ZPBP: variants seen among roughly 807,000 people sequenced by gnomAD.
ZPBP encodes the protein zona pellucida binding protein.
In ZPBP, 26 loss-of-function variants were observed where a neutral mutation model predicts 44.8. That is an observed-to-expected ratio of 0.58 (90% CI 0.43 to 0.81). The LOEUF is 0.81. Among genes scored for constraint, ZPBP ranks in the 30% least tolerant of loss-of-function variants. The pLI, the probability that ZPBP is intolerant of heterozygous loss-of-function variation, is 0.00. For missense variants in ZPBP, 409 were observed against 434.0 expected, an observed-to-expected ratio of 0.94 and a Z score of 0.51; for synonymous variants, 174 against 153.2, an observed-to-expected ratio of 1.14 and a Z score of -1.00.
chr7:49,949,982 A>T lies in ZPBP; in HGVS notation c.962-12360T>A, dbSNP rs1795267322. On this transcript the variant is annotated intron_variant, in intron 7 of 7. Transcript: ENST00000046087. ...AAAATAGTCTGATATATTTTAATTA[A>T]CTGCATATCTTGTGACCCAATATTA... 2.6e-5 allele frequency among the ~76,000 whole-genome samples: 4 copies of T among 152,058 alleles called. 1 individual carries two copies. In the South Asian group the frequency reaches 8.3e-4, roughly 31 times the overall value.
chr7:49,875,935 T>C (rs1791396183), intron 2 of ZPBP, among the ~76,000 whole-genome samples: 1 of 152,174 alleles, frequency 6.6e-6, no homozygotes, highest in African/African-American at 2.4e-5. Context: ...GTTTAATACA[T>C]AGTGGCTGGA....
intron 7 of ZPBP, among the ~76,000 whole-genome samples, chr7:49,941,653 T>G (rs969619950): frequency 1.3e-5 from 2 of 151,850 alleles, no homozygotes; most frequent in African/African-American, 4.8e-5. Context: ...CACAAATAAA[T>G]AGAAAGACAT....
chr7:49,874,590 A>G (rs544891075), intron 2 of ZPBP, among the ~76,000 whole-genome samples: 1 of 152,280 alleles, frequency 6.6e-6, no homozygotes, highest in East Asian at 1.9e-4. Flanking sequence ...ATATACATGG[A>G]GAGAAAGAGA....
intron 1 of ZPBP, among the ~76,000 whole-genome samples, chr7:49,924,864 G>A (rs756083140): frequency 5.6e-4 from 86 of 152,278 alleles, no homozygotes; most frequent in Admixed American, 4.6e-4. Flanking sequence ...TCTGTTCCAC[G>A]GCTTCCTTAT....
chr7:49,907,369 C>T (rs1793160679), intron 1 of ZPBP, among the ~76,000 whole-genome samples: 1 of 152,020 alleles, frequency 6.6e-6, no homozygotes. Flanking sequence ...GACTTTTGAG[C>T]AAAATATGCT....
At chr7:49,920,673 T>C (rs1793978206) in intron 1 of ZPBP, 2 of 152,154 alleles carry the variant, frequency 1.3e-5, no homozygotes, top group African/African-American at 2.4e-5. Flanking sequence ...GCTATAAATA[T>C]AGCATGAATA....
intron 1 of ZPBP, among the ~76,000 whole-genome samples, chr7:49,929,205 G>T (rs180703186): frequency 6.6e-6 from 1 of 152,342 alleles, no homozygotes; most frequent in Admixed American, 6.5e-5. Flanking sequence ...CTTGATTAAA[G>T]AAGTCAGATA....
intron 7 of ZPBP, among the ~76,000 whole-genome samples, chr7:49,976,205 G>A (rs890444343): frequency 5.3e-5 from 8 of 152,118 alleles, no homozygotes; most frequent in African/African-American, 1.9e-4. Flanking sequence ...TTTTTGCGTA[G>A]TCAATATTTA....
At chr7:49,956,384 T>C (rs1389119478) in intron 7 of ZPBP, among the ~76,000 whole-genome samples, 2 of 152,072 alleles carry the variant, frequency 1.3e-5, no homozygotes, top group Admixed American at 6.6e-5. Context: ...AATGCCCTCA[T>C]TGAAAATTTC....
intron 6 of ZPBP, among the ~76,000 whole-genome samples, chr7:49,999,218 A>G (rs1209378954): frequency 1.3e-5 from 2 of 150,534 alleles, no homozygotes; most frequent in Non-Finnish European, 2.9e-5. Flanking sequence ...CTCCATATAT[A>G]TATATATATG....
rs921266403 is a variant in ZPBP, at chr7:50,031,128, C to G, written c.670G>C (p.Ala224Pro). The change falls in exon 5 of 8, where the codon GCT becomes CCT. Residue 224 changes from alanine (A) to proline (P), a missense_variant. Ala to Pro is a conservative substitution (Grantham distance 27, BLOSUM62 -1). Around this residue, in one of 2 missense-constraint regions of ZPBP, gnomAD observed 367 missense variants for 363.1 expected, o/e 1.01. Coordinates refer to ENST00000046087, the MANE Select transcript of ZPBP (RefSeq NM_007009.3). ...SECHRVKMQR[A>P]GLQNELFFAF... ...AAGAACAATTCATTTTGCAAACCAG[C>G]TCTTTGCATTTTAACGCGATGGCAT... The G allele has an allele frequency of 1.2e-6, 2 of 1,613,760 alleles. No individual in the cohort carries two copies. Among genetic ancestry groups the G allele is most frequent in the South Asian group, 1.1e-5 (1 of 91,066 alleles).
intron 2 of ZPBP, among the ~76,000 whole-genome samples, chr7:49,875,637 C>T (rs4917096): frequency 0.26 from 38,980 of 151,662 alleles, 6,038 homozygotes; most frequent in Non-Finnish European, 0.35. Flanking sequence ...AGCTCTGTGG[C>T]CTTGGCTGGT....
chr7:49,949,308 G>T (rs1360971851), intron 7 of ZPBP, among the ~76,000 whole-genome samples: 1 of 152,096 alleles, frequency 6.6e-6, no homozygotes, highest in Admixed American at 6.6e-5. Context: ...ATAACTGAAA[G>T]CAGGATCTTG....
chr7:49,968,742 CATA>C (rs1489987112), intron 7 of ZPBP, among the ~76,000 whole-genome samples: 2 of 151,854 alleles, frequency 1.3e-5, no homozygotes, highest in East Asian at 3.9e-4. Context: ...CAATTACACT[CATA>C]ATATCACAGC....
rs147953250 is a variant in ZPBP at position 49,895,009 on chromosome 7, G to A, written n.509+6109C>T. Among the ~76,000 whole-genome samples the A allele has an allele frequency of 2.5e-3, 375 of 152,298 alleles. 1 individual carries two copies. The highest frequency in any genetic ancestry group is 8.7e-3 in the African/African-American group (360 of 41,568). On this transcript the variant is annotated intron_variant and non_coding_transcript_variant, in intron 2 of 2. Transcript: ENST00000465922. ...TTTGTTAAATGTGCTAGGCCATTCT[G>A]ATACTATATGTCTAAGTCCATTCAT...
chr7:50,053,958 G>A (rs1175909248), intron 4 of ZPBP, among the ~76,000 whole-genome samples: 2 of 152,046 alleles, frequency 1.3e-5, no homozygotes, highest in Non-Finnish European at 1.5e-5. Context: ...GGCATGATCC[G>A]GCTCACTGCA....
At chr7:49,999,634 A>C (rs1342214906) in intron 6 of ZPBP, among the ~76,000 whole-genome samples, 1 of 152,186 alleles carries the variant, frequency 6.6e-6, no homozygotes, top group East Asian at 1.9e-4. Flanking sequence ...CTAAGGCCTA[A>C]GAATCAGGAG....
intron 4 of ZPBP, among the ~76,000 whole-genome samples, chr7:50,047,639 T>C (rs923000312): frequency 4.4e-5 from 6 of 135,518 alleles, no homozygotes; most frequent in Non-Finnish European, 6.2e-5. Context: ...ACTCTGCTCA[T>C]AGAAGCTAAA....
chr7:50,085,854 C>G (rs1443072613), intron 2 of ZPBP, among the ~76,000 whole-genome samples: 2 of 152,054 alleles, frequency 1.3e-5, no homozygotes, highest in Non-Finnish European at 2.9e-5. Flanking sequence ...AAAAAGTTAG[C>G]AGGACACATG....
Sources: allele counts gnomAD v4.1 joint callset (sites outside exome capture counted in the v4.1 genomes callset), GRCh38; gene constraint gnomAD v4.1.1; regional missense constraint gnomAD v4.1.1; transcripts MANE v1.5; gene names NCBI Gene and HGNC (gene_info 2026-07-23, HGNC 2026-07-21).